SPECC1: variants seen among roughly 807,000 people sequenced by gnomAD.
SPECC1 encodes cytospin-B.
SPECC1 carries 62 observed loss-of-function variants against 104.1 expected under a neutral mutation model. That is an observed-to-expected ratio of 0.60 (90% CI 0.49 to 0.74). SPECC1 has a LOEUF of 0.74. Ranked by LOEUF, SPECC1 falls within the 30% of genes least tolerant of loss-of-function variation. The pLI, the probability that SPECC1 is intolerant of heterozygous loss-of-function variation, is 0.00. For missense variants in SPECC1, 1,306 were observed against 1,310.5 expected (o/e 1.00, Z 0.05); for synonymous variants, 513 against 501.6 (o/e 1.02, Z -0.30).
rs747510457 is a variant in SPECC1, at chr17:20,253,467, A to G, written c.2599-38A>G. 5 of 1,604,806 alleles carry G rather than the reference A, an allele frequency of 3.1e-6. No homozygotes were observed. The East Asian group carries it at 8.9e-5, about 29-fold the overall frequency. On this transcript the variant is annotated intron_variant, in intron 9 of 14. Coordinates refer to ENST00000395527, the MANE Select transcript of SPECC1 (RefSeq NM_001243439.2). ...CTGTGTTTGTGCTATTCTTGATGTT[A>G]TGAGCTCACCGTGCTGGTGTCCCCC... is the stretch of plus-strand genomic sequence containing the variant.
rs137879159 is a variant in SPECC1, at chr17:20,230,820, A to G, written c.2072-938A>G. Among the ~76,000 whole-genome samples the G allele has an allele frequency of 1.6e-3, 240 of 152,340 alleles. 2 individuals carry two copies. The highest frequency in any genetic ancestry group is 5.4e-3 in the African/African-American group (225 of 41,578). ...CTTCTTCCTATAAGATCCTGATGGG[A>G]AAGGAATGGACTGGAAAATAAAAGG... On this transcript the variant is annotated intron_variant, in intron 5 of 14. Transcript: ENST00000395527.
intron 1 of SPECC1, among the ~76,000 whole-genome samples, chr17:20,039,687 T>A (rs898148233): frequency 6.6e-6 from 1 of 152,116 alleles, no homozygotes; most frequent in Non-Finnish European, 1.5e-5. Context: ...CCTGAGTAGT[T>A]GGGACTACAG....
intron 1 of SPECC1, among the ~76,000 whole-genome samples, chr17:20,076,202 A>G (rs2046753433): frequency 6.6e-6 from 1 of 152,178 alleles, no homozygotes; most frequent in Non-Finnish European, 1.5e-5. Context: ...CACAATTATT[A>G]CTATATTATT....
chr17:20,075,290 C>T (rs941898910), intron 1 of SPECC1, among the ~76,000 whole-genome samples: 9 of 152,126 alleles, frequency 5.9e-5, no homozygotes, highest in African/African-American at 2.2e-4. Context: ...CCAGCAGCCC[C>T]ATGAGGTAGC....
At chr17:20,229,674 T>TA (rs560507144) in intron 5 of SPECC1, among the ~76,000 whole-genome samples, 275 of 152,010 alleles carry the variant, frequency 1.8e-3, no homozygotes, top group Middle Eastern at 3.4e-3. Context: ...ACTGCATCTC[T>TA]AAAAAAATAA....
At chr17:20,063,594 T>C (rs978556596) in intron 1 of SPECC1, among the ~76,000 whole-genome samples, 7 of 152,240 alleles carry the variant, frequency 4.6e-5, no homozygotes, top group African/African-American at 1.2e-4. Context: ...GACCCGTTCA[T>C]GTAGAGGAAG....
intron 1 of SPECC1, among the ~76,000 whole-genome samples, chr17:20,023,860 A>T (rs1488771594): frequency 6.6e-6 from 1 of 152,218 alleles, no homozygotes; most frequent in African/African-American, 2.4e-5. Flanking sequence ...AAGTTAAAAT[A>T]ACCCTGATAG....
intron 3 of SPECC1, among the ~76,000 whole-genome samples, chr17:20,189,075 T>TTCTCACTTGCATCGAGCC (rs2035476299): frequency 1.3e-5 from 2 of 152,272 alleles, no homozygotes; most frequent in South Asian, 4.1e-4. Flanking sequence ...GACTAGGTGG[T>TTCTCACTTGCATCGAGCC]TCTCACTTGC....
chr17:20,162,837 G>C (rs1034603047), intron 3 of SPECC1, among the ~76,000 whole-genome samples: 7 of 152,222 alleles, frequency 4.6e-5, no homozygotes, highest in African/African-American at 1.7e-4. Context: ...AGACCAGCCT[G>C]ACCAACATGG....
chr17:20,193,870 T>G (rs545860949), intron 3 of SPECC1, among the ~76,000 whole-genome samples: 14 of 152,332 alleles, frequency 9.2e-5, no homozygotes, highest in African/African-American at 3.4e-4. Context: ...TTTTACATTA[T>G]CCATCCCTCT....
chr17:20,300,096 G>A (rs2041518063), intron 13 of SPECC1, among the ~76,000 whole-genome samples: 3 of 152,230 alleles, frequency 2.0e-5, no homozygotes, highest in East Asian at 3.8e-4. Context: ...ATGTTGGACA[G>A]CATGGGCACA....
chr17:20,205,856 C>T lies in SPECC1; in HGVS notation c.1807C>T (p.Gln603Ter). ...LLELSCNELR[Q>*]ELLKANGEIK... ...GGAACTGTCTTGCAATGAGCTCAGA[C>T]AAGAATTACTAAAGGCAAACGGTGA... Residue 603 changes from glutamine (Q) to a stop codon, truncating the protein, a stop_gained, in exon 4 of 15, where the codon CAA becomes TAA. Transcript: ENST00000395527. LOFTEE classifies it high-confidence loss of function. The T allele has an allele frequency of 6.2e-7, 1 of 1,614,022 alleles. No homozygotes were observed. The highest frequency in any genetic ancestry group is 1.1e-5 in the South Asian group (1 of 91,054).
intron 1 of SPECC1, among the ~76,000 whole-genome samples, chr17:20,082,957 TGTTCGTTCGTTCGTTCGTTCGTTCGTTC>T (rs5819696): frequency 2.7e-5 from 4 of 147,640 alleles, no homozygotes; most frequent in Non-Finnish European, 1.5e-5. Flanking sequence ...TGTCCTTTGG[TGTTCGTTCGTTCGTTCGTTCGTTCGTTC>T]GTTCGTTCGT....
chr17:20,150,469 G>A (rs922940200), intron 3 of SPECC1, among the ~76,000 whole-genome samples: 4 of 151,362 alleles, frequency 2.6e-5, no homozygotes, highest in African/African-American at 7.3e-5. Flanking sequence ...GAGAAATCCC[G>A]TCTCTACTAA....
intron 3 of SPECC1, among the ~76,000 whole-genome samples, chr17:20,172,603 G>A (rs1440249311): frequency 1.3e-5 from 2 of 152,182 alleles, no homozygotes; most frequent in African/African-American, 2.4e-5. Flanking sequence ...GCAGGCCAGC[G>A]TGGGAGGACG....
intron 3 of SPECC1, among the ~76,000 whole-genome samples, chr17:20,127,069 T>C (rs952355245): frequency 2.6e-5 from 4 of 152,276 alleles, no homozygotes; most frequent in African/African-American, 9.6e-5. Flanking sequence ...TCATCTAATG[T>C]GCTTTGCTTT....
intron 12 of SPECC1, among the ~76,000 whole-genome samples, chr17:20,283,553 T>A (rs1459328061): frequency 1.3e-5 from 2 of 152,210 alleles, no homozygotes; most frequent in Non-Finnish European, 1.5e-5. Context: ...TTCAGTACAT[T>A]ACAGGTTCAT....
At chr17:20,102,658 T>C (rs1567844171) in intron 2 of SPECC1, among the ~76,000 whole-genome samples, 1 of 152,178 alleles carries the variant, frequency 6.6e-6, no homozygotes, top group Non-Finnish European at 1.5e-5. Flanking sequence ...AATATTGTTC[T>C]TGGATGGATT....
chr17:20,198,974 G>A (rs1401253152), intron 3 of SPECC1, among the ~76,000 whole-genome samples: 1 of 151,284 alleles, frequency 6.6e-6, no homozygotes, highest in African/African-American at 2.4e-5. Context: ...CATCTGGGTA[G>A]AGAAATCTAG....
Sources: gnomAD v4.1 joint callset for allele counts (sites outside exome capture counted in the v4.1 genomes callset) on GRCh38, gnomAD v4.1.1 for gene constraint, MANE v1.5 for transcripts, NCBI Gene and HGNC (gene_info 2026-07-23, HGNC 2026-07-21) for gene names.